Variants in IGF2BP3 observed in about 807,000 individuals in gnomAD.
IGF2BP3 encodes the protein insulin like growth factor 2 mRNA binding protein 3.
IGF2BP3 carries 9 observed loss-of-function variants against 73.8 expected under a neutral mutation model. The ratio of observed to expected loss-of-function variants is 0.12; its 90% CI spans 0.07 to 0.21. IGF2BP3 has a LOEUF of 0.21. Among genes scored for constraint, IGF2BP3 ranks in the 10% least tolerant of loss-of-function variants. The pLI, the probability that IGF2BP3 is intolerant of heterozygous loss-of-function variation, is 1.00. For missense variants in IGF2BP3, 542 were observed against 714.0 expected (o/e 0.76, Z 2.75); for synonymous variants, 258 against 256.7 (o/e 1.01, Z -0.05).
chr7:23,332,712 T>C (rs934633110), intron 10 of IGF2BP3, among the ~76,000 whole-genome samples: 1 of 152,260 alleles, frequency 6.6e-6, no homozygotes, highest in Non-Finnish European at 1.5e-5. Context: ...ACAATTACCA[T>C]GTGTCATTTA....
chr7:23,410,340 G>A (rs1336524817), intron 3 of IGF2BP3, among the ~76,000 whole-genome samples: 1 of 152,118 alleles, frequency 6.6e-6, no homozygotes, highest in South Asian at 2.1e-4. Context: ...CTGGGCGATA[G>A]GAGTCAAGAT....
In IGF2BP3 at chr7:23,336,938, ACT is replaced by A. The variant is rs780479557; in HGVS notation, c.1203+5124_1203+5125del. ...ACTCCACCCTGGGTGACAGGGCAAGACTCTGTCTCCAAAAGAAAAAAAAAAAA... is the reference window on the plus strand; with the variant it reads ...ACTCCACCCTGGGTGACAGGGCAAGACTGTCTCCAAAAGAAAAAAAAAAAA... On this transcript the variant is annotated intron_variant, in intron 10 of 14. Coordinates refer to ENST00000258729, the MANE Select transcript of IGF2BP3 (RefSeq NM_006547.3). Among the ~76,000 whole-genome samples the A allele has an allele frequency of 2.2e-4, 33 of 151,314 alleles. No individual in the cohort carries two copies. In the Middle Eastern group the frequency reaches 0.01, roughly 47 times the overall value.
chr7:23,418,726 G>T, intron 3 of IGF2BP3, 50 bp downstream of exon 3: 2 of 1,192,774 alleles, frequency 1.7e-6, no homozygotes, highest in Non-Finnish European at 2.4e-6. Flanking sequence ...AAAACTAACA[G>T]CAATAGGCTT....
intron 6 of IGF2BP3, among the ~76,000 whole-genome samples, chr7:23,350,242 T>C (rs1307336922): frequency 1.3e-5 from 2 of 152,242 alleles, no homozygotes; most frequent in Non-Finnish European, 2.9e-5. Context: ...AGCAGTGCAG[T>C]TCTAACTTTT....
intron 3 of IGF2BP3, among the ~76,000 whole-genome samples, chr7:23,377,183 G>A (rs1037959626): frequency 6.6e-6 from 1 of 151,954 alleles, no homozygotes; most frequent in Non-Finnish European, 1.5e-5. Context: ...TATCAAGAAA[G>A]TGCAAAGACA....
intron 2 of IGF2BP3, among the ~76,000 whole-genome samples, chr7:23,439,478 G>A (rs1449092936): frequency 2.0e-5 from 3 of 146,858 alleles, no homozygotes; most frequent in African/African-American, 5.1e-5. Context: ...AGAATGGCGT[G>A]AGTAGGGGGC....
At chr7:23,412,701 A>T (rs751193484) in intron 3 of IGF2BP3, among the ~76,000 whole-genome samples, 6 of 152,062 alleles carry the variant, frequency 3.9e-5, no homozygotes, top group Non-Finnish European at 7.4e-5. Context: ...ATAAGGTCTT[A>T]TGCTTCACTT....
intron 3 of IGF2BP3, among the ~76,000 whole-genome samples, chr7:23,410,000 C>G (rs1786967383): frequency 6.6e-6 from 1 of 152,048 alleles, no homozygotes; most frequent in African/African-American, 2.4e-5. Context: ...GAAACCCCAT[C>G]TCTACCAAAA....
intron 3 of IGF2BP3, among the ~76,000 whole-genome samples, chr7:23,404,682 T>C (rs1786773086): frequency 6.7e-6 from 1 of 149,070 alleles, no homozygotes; most frequent in Non-Finnish European, 1.5e-5. Context: ...TAATACTGAA[T>C]AGTAATTACT....
At chr7:23,319,646 T>TA (rs1784081832) in intron 10 of IGF2BP3, among the ~76,000 whole-genome samples, 1 of 152,204 alleles carries the variant, frequency 6.6e-6, no homozygotes, top group Non-Finnish European at 1.5e-5. Flanking sequence ...CTGGGCTACA[T>TA]ATCAAACACA....
At chr7:23,317,587 CTACCTGTGCATTTGT>C (rs780872998) in intron 12 of IGF2BP3, 37 bp downstream of exon 12, 231 of 1,360,840 alleles carry the variant, frequency 1.7e-4, no homozygotes, top group Non-Finnish European at 1.6e-4. Context: ...AGGTTATGGA[CTACCTGTGCATTTGT>C]TACCTGTGGA....
chr7:23,381,589 G>A (rs1346842733), intron 3 of IGF2BP3, among the ~76,000 whole-genome samples: 2 of 151,440 alleles, frequency 1.3e-5, no homozygotes, highest in Non-Finnish European at 2.9e-5. Flanking sequence ...TTTTTTTTTA[G>A]ATGGAGTCTC....
chr7:23,338,471 C>T (rs368269996), intron 10 of IGF2BP3, among the ~76,000 whole-genome samples: 2 of 152,174 alleles, frequency 1.3e-5, no homozygotes, highest in African/African-American at 4.8e-5. Context: ...GCCTGGGCAA[C>T]ATAGTGAGTC....
chr7:23,341,789 T>A lies in IGF2BP3; in HGVS notation c.1203+275A>T, dbSNP rs544713949. Among the ~76,000 whole-genome samples, 47 of 151,538 alleles carry A rather than the reference T, an allele frequency of 3.1e-4. No homozygotes were observed. In the East Asian group the frequency reaches 4.8e-3, roughly 16 times the overall value. On this transcript the variant is annotated intron_variant, in intron 10 of 14. Transcript: ENST00000258729. ...AAGAAAAAAGAAAAAAGAAAAAAAA[T>A]TTTTTTAAATAAGAAAAACAATTAC... is the stretch of plus-strand genomic sequence containing the variant.
intron 3 of IGF2BP3, among the ~76,000 whole-genome samples, chr7:23,384,304 G>T (rs942422501): frequency 6.6e-6 from 1 of 151,932 alleles, no homozygotes; most frequent in Non-Finnish European, 1.5e-5. Flanking sequence ...GGGTTCAGTG[G>T]GGGGAAAGAA....
intron 5 of IGF2BP3, among the ~76,000 whole-genome samples, chr7:23,358,639 ACTTTGGTGTTTACG>A (rs1312906367): frequency 6.6e-6 from 1 of 152,224 alleles, no homozygotes. Context: ...GGGCTACCTG[ACTTTGGTGTTTACG>A]CTTTCTCTGC....
At chr7:23,441,193 A>T (rs568590936) in intron 2 of IGF2BP3, among the ~76,000 whole-genome samples, 2 of 152,270 alleles carry the variant, frequency 1.3e-5, no homozygotes, top group African/African-American at 4.8e-5. Context: ...CAAGACACAC[A>T]TCTTAAGGTG....
rs1226817632 is a variant in IGF2BP3 at position 23,439,540 on chromosome 7, A to G, written c.237-20716T>C. On this transcript the variant is annotated intron_variant, in intron 2 of 14. Transcript: ENST00000258729. ...CCACTGCACTCCAGCCTGGGAGACAACGAGACTCCGTCTCAAAAAAAAAAA... is the reference window on the plus strand; with the variant it reads ...CCACTGCACTCCAGCCTGGGAGACAGCGAGACTCCGTCTCAAAAAAAAAAA... 8.4e-5 allele frequency among the ~76,000 whole-genome samples: 12 copies of G among 142,610 alleles called. 1 individual carries two copies. The South Asian group carries it at 2.6e-3, about 31-fold the overall frequency. The allele number at this position is 142,610 out of a possible 152,430, so 93.6% of individuals were successfully genotyped here. A position where few individuals can be genotyped will look rare whatever the true frequency, so the allele number is the denominator to read the frequency against.
intron 3 of IGF2BP3, among the ~76,000 whole-genome samples, chr7:23,407,363 C>G (rs939776743): frequency 6.7e-6 from 1 of 150,328 alleles, no homozygotes; most frequent in African/African-American, 2.4e-5. Context: ...AATCCCAGCA[C>G]TTTGGGAGGC....
Sources: gnomAD v4.1 joint callset for allele counts (sites outside exome capture counted in the v4.1 genomes callset) on GRCh38, gnomAD v4.1.1 for gene constraint, MANE v1.5 for transcripts, NCBI Gene and HGNC (gene_info 2026-07-23, HGNC 2026-07-21) for gene names.